TMCO6: variants seen among roughly 807,000 people sequenced by gnomAD.
TMCO6 encodes the protein transmembrane and coiled-coil domain-containing protein 6.
A neutral mutation model predicts 61.8 loss-of-function variants in TMCO6; 47 were observed. That is an observed-to-expected ratio of 0.76 (90% confidence interval 0.60 to 0.97). The LOEUF is 0.97. TMCO6 is among the 50% of genes least tolerant of loss of function. TMCO6 has a pLI of 0.00. For missense variants in TMCO6, 557 were observed against 601.6 expected (o/e 0.93, Z 0.78); for synonymous variants, 261 against 254.2 (o/e 1.03, Z -0.25).
the TMCO6 span, among the ~76,000 whole-genome samples, chr5:140,620,307 T>A: frequency 3.9e-5 from 6 of 152,304 alleles, no homozygotes; most frequent in South Asian, 8.3e-4. Flanking sequence ...TCCAACTATA[T>A]GACATTATGG....
chr5:140,626,587 T>C, the TMCO6 span, among the ~76,000 whole-genome samples: 1 of 152,134 alleles, frequency 6.6e-6, no homozygotes, highest in East Asian at 1.9e-4. Context: ...CCACCCCACT[T>C]CTAAGCAGCC....
chr5:140,642,088 T>C (rs1440743407), intron 4 of TMCO6, 35 bp downstream of exon 4: 2 of 1,579,862 alleles, frequency 1.3e-6, no homozygotes, highest in Non-Finnish European at 1.7e-6. Flanking sequence ...GTTCTTGGTT[T>C]AGATTTTAAA....
the TMCO6 span, among the ~76,000 whole-genome samples, chr5:140,605,679 C>CA: frequency 0.031 from 4,216 of 136,968 alleles, 221 homozygotes; most frequent in African/African-American, 0.11. Flanking sequence ...GACTCTGTCT[C>CA]AAAAAAAAAC....
the TMCO6 span, among the ~76,000 whole-genome samples, chr5:140,601,995 C>T: frequency 6.6e-6 from 1 of 152,166 alleles, no homozygotes; most frequent in Non-Finnish European, 1.5e-5. Context: ...ATGCTGTTCC[C>T]CCAAGAAATA....
the TMCO6 span, among the ~76,000 whole-genome samples, chr5:140,633,951 G>A: frequency 5.9e-5 from 9 of 152,060 alleles, no homozygotes; most frequent in African/African-American, 2.2e-4. Context: ...ACCACACCCA[G>A]CTAATTTTTG....
In TMCO6 at chr5:140,643,254, T is replaced by C. The variant is rs1413466196; in HGVS notation, c.806+213T>C. ...GTCACCCAGGCTGGATGGAGTACAG[T>C]GGTGCGATCTCAGCTCACTGCAACC... On this transcript the variant is annotated intron_variant, in intron 7 of 11. Coordinates refer to ENST00000394671, the MANE Select transcript of TMCO6 (RefSeq NM_018502.5). The C allele has an allele frequency of 4.3e-6, 3 of 695,182 alleles. No individual in the cohort carries two copies. In the African/African-American group the frequency reaches 5.4e-5, roughly 13 times the overall value. The allele number at this position is 695,182 out of a possible 1,614,324, so 43.1% of individuals were successfully genotyped here. A position where few individuals can be genotyped will look rare whatever the true frequency, so the allele number is the denominator to read the frequency against.
the TMCO6 span, among the ~76,000 whole-genome samples, chr5:140,621,317 T>A: frequency 6.6e-6 from 1 of 152,208 alleles, no homozygotes; most frequent in Admixed American, 6.5e-5. Context: ...ATTGTGAAGA[T>A]TTCGTGGACA....
the TMCO6 span, among the ~76,000 whole-genome samples, chr5:140,620,399 C>T: frequency 5.9e-5 from 9 of 151,992 alleles, no homozygotes; most frequent in East Asian, 1.9e-4. Flanking sequence ...GACAGAGCAC[C>T]GAAGCCTTTT....
chr5:140,633,040 C>T, the TMCO6 span: 1 of 1,613,596 alleles, frequency 6.2e-7, no homozygotes, highest in Non-Finnish European at 8.5e-7. Context: ...CCGAGTGGCA[C>T]GCGTTCGACC....
At chr5:140,625,089 TAATAC>T in the TMCO6 span, among the ~76,000 whole-genome samples, 1 of 152,026 alleles carries the variant, frequency 6.6e-6, no homozygotes, top group Non-Finnish European at 1.5e-5. Flanking sequence ...CCTGACCTCA[TAATAC>T]ATCCGCCTTG....
At chr5:140,631,469 C>A in the TMCO6 span, among the ~76,000 whole-genome samples, 1 of 152,162 alleles carries the variant, frequency 6.6e-6, no homozygotes, top group Non-Finnish European at 1.5e-5. Context: ...TTCCAAATAT[C>A]ATGCAAATAC....
chr5:140,636,028 C>G (rs187938542), upstream of TMCO6, among the ~76,000 whole-genome samples: 243 of 152,272 alleles, frequency 1.6e-3, 4 homozygotes, highest in Non-Finnish European at 2.9e-4. Context: ...GATGGAGTTT[C>G]ACTCTTGTTG....
At chr5:140,647,662 T>C, downstream of TMCO6, 1 of 1,541,308 alleles carries the variant, frequency 6.5e-7, no homozygotes, top group Non-Finnish European at 8.8e-7. Flanking sequence ...CCCTAAAGCC[T>C]AGCCCATAGG....
At chr5:140,631,743 AT>A in the TMCO6 span, 56 of 1,025,952 alleles carry the variant, frequency 5.5e-5, no homozygotes, top group Non-Finnish European at 8.1e-5. Context: ...GTTGTTTAAG[AT>A]TTTAATAAAG....
chr5:140,610,530 G>A, the TMCO6 span, among the ~76,000 whole-genome samples: 1 of 152,148 alleles, frequency 6.6e-6, no homozygotes, highest in African/African-American at 2.4e-5. Flanking sequence ...TTTTCAGAAT[G>A]TGCATTCTAA....
rs907638200 is a variant in TMCO6, at chr5:140,641,703, G to A, written c.237G>A (p.Glu79=). The A allele has an allele frequency of 2.2e-5, 35 of 1,614,082 alleles. No individual in the cohort carries two copies. The highest frequency in any genetic ancestry group is 2.9e-5 in the Non-Finnish European group (34 of 1,180,046). The change falls in exon 3 of 12, where the codon GAG becomes GAA. Residue 79 remains glutamate (E), a synonymous_variant. Coordinates refer to ENST00000394671, the MANE Select transcript of TMCO6 (RefSeq NM_018502.5). Reference sequence around the variant, plus strand: ...TGCGGCAAGCCCAGCGGGGGACAGAGGAAAAGGAGAGAGAGGGGGCTCTGG... The same window carrying A: ...TGCGGCAAGCCCAGCGGGGGACAGAAGAAAAGGAGAGAGAGGGGGCTCTGG... The part of the protein sequence containing the change: ...QFLRQAQRGT[E]EKEREGALVS...
the TMCO6 span, among the ~76,000 whole-genome samples, chr5:140,614,044 G>T: frequency 3.3e-5 from 5 of 152,004 alleles, no homozygotes; most frequent in Non-Finnish European, 7.4e-5. Flanking sequence ...GACTACAGGC[G>T]CCCGTCACCA....
chr5:140,623,754 A>G, the TMCO6 span, among the ~76,000 whole-genome samples: 96 of 152,018 alleles, frequency 6.3e-4, no homozygotes, highest in Middle Eastern at 0.01. Flanking sequence ...AAAACATTTT[A>G]AAAAAATAGA....
At chr5:140,637,759 G>A (rs944358549), upstream of TMCO6, among the ~76,000 whole-genome samples, 1 of 152,118 alleles carries the variant, frequency 6.6e-6, no homozygotes, top group Non-Finnish European at 1.5e-5. Flanking sequence ...TCTTAACCCA[G>A]ACATTCCTTT....
Sources: gnomAD v4.1 joint callset for allele counts (sites outside exome capture counted in the v4.1 genomes callset) on GRCh38, gnomAD v4.1.1 for gene constraint, MANE v1.5 for transcripts, NCBI Gene and HGNC (gene_info 2026-07-23, HGNC 2026-07-21) for gene names.